Variants in KCNMA1 observed in about 807,000 individuals in gnomAD.
The protein encoded by KCNMA1 is Calcium-activated potassium channel subunit alpha-1.
In KCNMA1, 29 loss-of-function variants were observed where a neutral mutation model predicts 140.0. The ratio of observed to expected loss-of-function variants is 0.21; its 90% CI spans 0.15 to 0.28. The LOEUF (loss-of-function observed/expected upper bound fraction) is 0.28. Among genes scored for constraint, KCNMA1 ranks in the 10% least tolerant of loss-of-function variants. KCNMA1 has a pLI of 1.00. For synonymous variants in KCNMA1, 612 were observed against 611.9 expected, an observed-to-expected ratio of 1.00 and a Z score of 0.00; for missense variants, 880 against 1,602.2, an observed-to-expected ratio of 0.55 and a Z score of 7.70.
chr10:77,628,649 CA>C (rs72518245), intron 1 of KCNMA1, among the ~76,000 whole-genome samples: 2,560 of 130,696 alleles, frequency 0.02, 15 homozygotes, highest in Non-Finnish European at 0.025. Flanking sequence ...GACGGTATCT[CA>C]AAAAAAAAAA....
intron 1 of KCNMA1, among the ~76,000 whole-genome samples, chr10:77,479,534 A>C (rs998449769): frequency 3.9e-5 from 6 of 152,146 alleles, no homozygotes; most frequent in Non-Finnish European, 8.8e-5. Context: ...TAACTATCAC[A>C]GTGAGGTTTT....
chr10:77,586,271 C>G (rs868240136), intron 1 of KCNMA1: 11 of 152,202 alleles, frequency 7.2e-5, no homozygotes, highest in African/African-American at 2.4e-4. Flanking sequence ...CACCCACACT[C>G]TTGGTTCTAG....
At chr10:77,563,252 G>A (rs1039626818) in intron 1 of KCNMA1, among the ~76,000 whole-genome samples, 2 of 152,164 alleles carry the variant, frequency 1.3e-5, no homozygotes, top group South Asian at 2.1e-4. Flanking sequence ...AAAATCAATA[G>A]CCGGGGTGAG....
intron 2 of KCNMA1, among the ~76,000 whole-genome samples, chr10:77,256,941 A>C (rs1302049187): frequency 1.3e-5 from 2 of 151,928 alleles, no homozygotes; most frequent in African/African-American, 4.8e-5. Context: ...ATATCTCTAC[A>C]AAAAAAACTT....
chr10:76,940,729 G>C (rs2061703506), intron 23 of KCNMA1, among the ~76,000 whole-genome samples: 1 of 151,990 alleles, frequency 6.6e-6, no homozygotes, highest in Admixed American at 6.6e-5. Context: ...GGGAGGCCAA[G>C]GTGAGTGGAT....
At chr10:77,524,516 T>C (rs2054817220) in intron 1 of KCNMA1, among the ~76,000 whole-genome samples, 1 of 152,196 alleles carries the variant, frequency 6.6e-6, no homozygotes, top group Non-Finnish European at 1.5e-5. Context: ...TCAAATGTTT[T>C]GAAGTTTCTG....
chr10:77,531,108 G>A (rs185729984), intron 1 of KCNMA1, among the ~76,000 whole-genome samples: 4 of 152,260 alleles, frequency 2.6e-5, no homozygotes, highest in East Asian at 1.9e-4. Context: ...GGAAGCAAGC[G>A]TTCAAGGTGA....
intron 1 of KCNMA1, among the ~76,000 whole-genome samples, chr10:77,614,535 C>T (rs980313829): frequency 6.6e-6 from 1 of 152,154 alleles, no homozygotes; most frequent in Admixed American, 6.5e-5. Context: ...CTGACTTCTG[C>T]TAAATGCCAT....
At chr10:77,513,511 T>C (rs977421888) in intron 1 of KCNMA1, among the ~76,000 whole-genome samples, 2 of 152,182 alleles carry the variant, frequency 1.3e-5, no homozygotes, top group Non-Finnish European at 2.9e-5. Flanking sequence ...GGATAATGTA[T>C]GTGAAAGAGC....
At chr10:77,316,339 G>C (rs942497044) in intron 2 of KCNMA1, among the ~76,000 whole-genome samples, 1 of 152,188 alleles carries the variant, frequency 6.6e-6, no homozygotes, top group Admixed American at 6.5e-5. Context: ...GAGAGGTAAC[G>C]ATGACCTTGG....
chr10:77,095,054 G>A (rs2096898161), intron 9 of KCNMA1, among the ~76,000 whole-genome samples: 1 of 152,090 alleles, frequency 6.6e-6, no homozygotes, highest in South Asian at 2.1e-4. Flanking sequence ...TCACCAGCCT[G>A]GAATCTAGAA....
chr10:77,023,528 C>G (rs1229567870), intron 16 of KCNMA1, among the ~76,000 whole-genome samples: 4 of 152,112 alleles, frequency 2.6e-5, no homozygotes, highest in Non-Finnish European at 5.9e-5. Context: ...AAATAAGAAC[C>G]ATTTAGGGTT....
Position 77,588,168 on chromosome 10 carries a change from T to C in KCNMA1, c.378+49097A>G, listed in dbSNP as rs77463496. Among the ~76,000 whole-genome samples the C allele has an allele frequency of 4.9e-4, 74 of 152,052 alleles. No homozygotes were observed. In the East Asian group the frequency reaches 0.014, roughly 29 times the overall value. The stretch of plus-strand genomic sequence containing the variant: ...CCTAAGACAGTGCCTAAGTGGCAAA[T>C]GAGACAGTCACTCCTGTTGGCCGAG... On this transcript the variant is annotated intron_variant, in intron 1 of 27. Coordinates refer to ENST00000286628, the MANE Select transcript of KCNMA1 (RefSeq NM_001161352.2).
At chr10:76,959,448 T>C (rs556710434) in intron 20 of KCNMA1, among the ~76,000 whole-genome samples, 3 of 152,366 alleles carry the variant, frequency 2.0e-5, no homozygotes, top group Admixed American at 1.3e-4. Flanking sequence ...AGTTTCTTCA[T>C]CTGTAAAATG....
intron 2 of KCNMA1, among the ~76,000 whole-genome samples, chr10:77,319,078 C>A (rs2081629211): frequency 1.3e-5 from 2 of 152,146 alleles, no homozygotes; most frequent in Non-Finnish European, 2.9e-5. Context: ...AATAAGAAAC[C>A]ATCCTTGACC....
At chr10:77,286,807 C>A (rs912368865) in intron 2 of KCNMA1, among the ~76,000 whole-genome samples, 2 of 148,832 alleles carry the variant, frequency 1.3e-5, no homozygotes, top group African/African-American at 2.5e-5. Flanking sequence ...TATGCATCCT[C>A]ATTTATACAC....
chr10:77,614,310 G>A (rs1166692676), intron 1 of KCNMA1, among the ~76,000 whole-genome samples: 1 of 152,114 alleles, frequency 6.6e-6, no homozygotes, highest in African/African-American at 2.4e-5. Context: ...CACGTGTTTG[G>A]TGCTGGGAAT....
At chr10:77,389,959 C>T (rs1406713298) in intron 2 of KCNMA1, among the ~76,000 whole-genome samples, 1 of 152,194 alleles carries the variant, frequency 6.6e-6, no homozygotes, top group Non-Finnish European at 1.5e-5. Flanking sequence ...ATGAACTCTG[C>T]TTCACGCCAA....
At chr10:77,503,198 C>T (rs1289816922) in intron 1 of KCNMA1, among the ~76,000 whole-genome samples, 1 of 152,218 alleles carries the variant, frequency 6.6e-6, no homozygotes, top group African/African-American at 2.4e-5. Flanking sequence ...TCCCACCCCT[C>T]TAGGCCAGGG....
Sources: gnomAD v4.1 joint callset for allele counts (sites outside exome capture counted in the v4.1 genomes callset) on GRCh38, gnomAD v4.1.1 for gene constraint, MANE v1.5 for transcripts, NCBI Gene and HGNC (gene_info 2026-07-23, HGNC 2026-07-21) for gene names.